Variants in KDM4B observed in about 807,000 individuals in gnomAD.
KDM4B encodes lysine-specific demethylase 4B.
A neutral mutation model predicts 125.2 loss-of-function variants in KDM4B; 32 were observed. That is an observed-to-expected ratio of 0.26 (90% CI 0.19 to 0.34). KDM4B has a LOEUF of 0.34. KDM4B is among the 10% of genes least tolerant of loss of function. The pLI is 1.00. For synonymous variants in KDM4B, 721 were observed against 677.9 expected (o/e 1.06, Z -0.99); for missense variants, 1,190 against 1,577.7 (o/e 0.75, Z 4.16).
Position 5,138,024 on chromosome 19 carries a change from G to A in KDM4B, c.2504G>A (p.Arg835His). ...GCGCGCTTCCTGAACGTGATTGAGC[G>A]CCACCCTGTGGACATCAGCGCCATC... ...PEARFLNVIE[R>H]HPVDISAIPE... Residue 835 changes from arginine to histidine, a missense_variant, in exon 18 of 23, where the codon CGC becomes CAC. Arg to His is a conservative substitution (Grantham distance 29). This residue lies in a region of KDM4B where 298 missense variants were observed against 439.7 expected (regional missense o/e 0.68). Coordinates refer to ENST00000159111, the MANE Select transcript of KDM4B (RefSeq NM_015015.3). 2.5e-6 allele frequency: 4 copies of A among 1,612,662 alleles called. No individual in the cohort carries two copies. Among genetic ancestry groups the A allele is most frequent in the Non-Finnish European group, 3.4e-6 (4 of 1,179,892 alleles).
At chr19:4,991,853 G>C (rs1023260891) in intron 1 of KDM4B, among the ~76,000 whole-genome samples, 10 of 152,194 alleles carry the variant, frequency 6.6e-5, no homozygotes, top group Non-Finnish European at 1.2e-4. Context: ...GAATCACAGC[G>C]TATTTAACCT....
At chr19:5,064,709 G>A (rs927059001) in intron 6 of KDM4B, among the ~76,000 whole-genome samples, 2 of 152,222 alleles carry the variant, frequency 1.3e-5, no homozygotes, top group African/African-American at 4.8e-5. Context: ...GAGGGCCACA[G>A]AGTCCTGGCT....
At chr19:5,106,397 C>T (rs866118363) in intron 9 of KDM4B, among the ~76,000 whole-genome samples, 10 of 152,184 alleles carry the variant, frequency 6.6e-5, no homozygotes, top group African/African-American at 1.4e-4. Context: ...CAAAGATCCA[C>T]GTTGCACCCG....
intron 6 of KDM4B, among the ~76,000 whole-genome samples, chr19:5,051,937 G>A (rs1011737244): frequency 4.6e-5 from 7 of 152,170 alleles, no homozygotes; most frequent in South Asian, 2.1e-4. Context: ...CTCAGTCTCC[G>A]GTGCAGGTGT....
At chr19:5,119,410 C>T (rs1254656213) in intron 10 of KDM4B, among the ~76,000 whole-genome samples, 3 of 152,288 alleles carry the variant, frequency 2.0e-5, no homozygotes, top group East Asian at 1.9e-4. Context: ...CGCTTGACAC[C>T]GTCCCCGCCG....
chr19:4,984,270 T>C (rs888467422), intron 1 of KDM4B, among the ~76,000 whole-genome samples: 2 of 152,166 alleles, frequency 1.3e-5, no homozygotes, highest in African/African-American at 4.8e-5. Context: ...TTGTTTCTGC[T>C]CTTGACTGTG....
At chr19:5,018,882 T>G (rs566927030) in intron 2 of KDM4B, among the ~76,000 whole-genome samples, 1 of 152,382 alleles carries the variant, frequency 6.6e-6, no homozygotes, top group South Asian at 2.1e-4. Flanking sequence ...CTCCGTGGCC[T>G]GCGTCAGAGC....
intron 6 of KDM4B, among the ~76,000 whole-genome samples, chr19:5,052,436 C>T (rs1197499191): frequency 7.9e-5 from 12 of 152,050 alleles, no homozygotes; most frequent in Non-Finnish European, 1.5e-4. Context: ...GCCCTGTGGC[C>T]GCAGGTGGGT....
At chr19:4,974,750 A>T (rs1171100635) in intron 1 of KDM4B, among the ~76,000 whole-genome samples, 1 of 152,008 alleles carries the variant, frequency 6.6e-6, no homozygotes, top group Non-Finnish European at 1.5e-5. Flanking sequence ...AAAAAAAAAA[A>T]AAGAAGGTAG....
intron 1 of KDM4B, among the ~76,000 whole-genome samples, chr19:4,972,601 A>G (rs917339734): frequency 2.2e-4 from 34 of 152,182 alleles, no homozygotes; most frequent in African/African-American, 8.2e-4. Flanking sequence ...AAGCGGTAGC[A>G]ACCAAAAATG....
chr19:5,123,959 C>T (rs921337593), intron 11 of KDM4B, among the ~76,000 whole-genome samples: 3 of 131,720 alleles, frequency 2.3e-5, no homozygotes, highest in Non-Finnish European at 3.2e-5. Flanking sequence ...GTGGCTGAGC[C>T]GTGACCATTC....
At chr19:5,148,053 C>T (rs374941341) in intron 21 of KDM4B, among the ~76,000 whole-genome samples, 39 of 152,328 alleles carry the variant, frequency 2.6e-4, no homozygotes, top group African/African-American at 9.4e-4. Flanking sequence ...CCAAGAGCCT[C>T]CCCGCCTGTC....
intron 1 of KDM4B, among the ~76,000 whole-genome samples, chr19:4,998,191 C>T (rs181743095): frequency 6.6e-5 from 10 of 152,264 alleles, no homozygotes; most frequent in East Asian, 3.9e-4. Context: ...CGTAGTGCTC[C>T]CCAGACCCTG....
intron 10 of KDM4B, chr19:5,113,910 T>C: frequency 3.3e-6 from 4 of 1,207,650 alleles, no homozygotes; most frequent in Non-Finnish European, 4.2e-6. Context: ...TGCGGATGGT[T>C]CGGCACAGCT....
chr19:5,125,731 G>A (rs1291965931), intron 11 of KDM4B, among the ~76,000 whole-genome samples: 7 of 152,326 alleles, frequency 4.6e-5, no homozygotes, highest in African/African-American at 7.2e-5. Context: ...TTGGTGGCAC[G>A]TCAGGGTCTC....
chr19:4,999,952 T>C, intron 1 of KDM4B, among the ~76,000 whole-genome samples: 1 of 109,916 alleles, frequency 9.1e-6, no homozygotes, highest in South Asian at 3.4e-4. Context: ...TATCCATCCA[T>C]CCACCCATTT....
intron 1 of KDM4B, among the ~76,000 whole-genome samples, chr19:5,011,897 G>A (rs780778333): frequency 3.3e-5 from 5 of 152,204 alleles, no homozygotes; most frequent in Non-Finnish European, 5.9e-5. Context: ...CCTGATTCCC[G>A]CCAGTGGTCT....
intron 1 of KDM4B, among the ~76,000 whole-genome samples, chr19:5,000,939 C>T (rs1008573641): frequency 6.6e-6 from 1 of 152,160 alleles, no homozygotes; most frequent in Non-Finnish European, 1.5e-5. Context: ...CCTCCCCATT[C>T]CTGCCCACCC....
intron 10 of KDM4B, chr19:5,112,105 C>G (rs990280671): frequency 1.2e-5 from 5 of 403,046 alleles, no homozygotes; most frequent in African/African-American, 2.0e-5. Flanking sequence ...ATTTAAAAAT[C>G]AGCTGGGTGT....
Sources: gnomAD v4.1 joint callset for allele counts (sites outside exome capture counted in the v4.1 genomes callset) on GRCh38, gnomAD v4.1.1 for gene constraint, gnomAD v4.1.1 regional missense constraint, MANE v1.5 for transcripts, NCBI Gene and HGNC (gene_info 2026-07-23, HGNC 2026-07-21) for gene names.